DGKK: variants seen among roughly 807,000 people sequenced by gnomAD.
DGKK encodes the protein diacylglycerol kinase kappa, also known as 142 kDa diacylglycerol kinase.
Under a neutral mutation model 92.2 loss-of-function variants are expected in DGKK, and 35 were observed. The observed-to-expected ratio is 0.38, with a 90% CI of 0.29 to 0.50. The LOEUF (loss-of-function observed/expected upper bound fraction) is 0.50, where lower values mean the gene tolerates loss of function less well. DGKK is among the 20% of genes least tolerant of loss of function. DGKK has a pLI of 0.92. For missense variants in DGKK, 910 were observed against 992.2 expected (o/e 0.92, Z 1.11); for synonymous variants, 368 against 360.6 (o/e 1.02, Z -0.23).
intron 3 of DGKK, among the ~76,000 whole-genome samples, chrX:50,421,926 G>A (rs1925599331): frequency 9.0e-6 from 1 of 111,692 alleles, no homozygotes; most frequent in African/African-American, 3.3e-5. Flanking sequence ...TTCTGGTCTG[G>A]ATTCACTTGA....
chrX:50,416,984 G>T (rs782275446), intron 4 of DGKK, among the ~76,000 whole-genome samples: 29 of 109,099 alleles, frequency 2.7e-4, no homozygotes, highest in African/African-American at 9.7e-4. Context: ...TATTAATTTT[G>T]CCAGAATCAA....
At chrX:50,424,156 G>C (rs1925675670) in intron 2 of DGKK, 92 bp downstream of exon 2, 1 of 817,670 alleles carries the variant, frequency 1.2e-6, no homozygotes, top group Non-Finnish European at 1.7e-6. Flanking sequence ...CCTAATGTTT[G>C]CTGACATGTC....
chrX:50,393,484 C>T, intron 8 of DGKK, 149 bp from the exon 9 acceptor site: 1 of 467,459 alleles, frequency 2.1e-6, no homozygotes, highest in East Asian at 3.7e-5. Context: ...GTCAAGATAC[C>T]ACCCAGAGGG....
rs143274255 is a variant in DGKK, at chrX:50,379,913, C to T, written c.2754+68G>A. On this transcript the variant is annotated intron_variant, in intron 19 of 27. Coordinates refer to ENST00000611977, the MANE Select transcript of DGKK (RefSeq NM_001013742.4). Reference sequence around the variant, plus strand: ...AAAGCTCAGGAAGAATCAGCATGTACGGTATTCCCAAGGCCATGAGATTTC... The same window carrying T: ...AAAGCTCAGGAAGAATCAGCATGTATGGTATTCCCAAGGCCATGAGATTTC... 7,130 of 1,034,956 alleles carry T rather than the reference C, an allele frequency of 6.9e-3. 31 individuals are homozygous for T. The highest frequency in any genetic ancestry group is 0.022 in the Middle Eastern group (89 of 3,982). 85.3% of individuals were successfully genotyped at this position (1,034,956 alleles called of 1,213,427 possible).
At chrX:50,398,433 G>A (rs1474693509) in intron 8 of DGKK, among the ~76,000 whole-genome samples, 2 of 112,135 alleles carry the variant, frequency 1.8e-5, no homozygotes, top group African/African-American at 6.5e-5. Flanking sequence ...AGTAATGCAT[G>A]ATAGAAAGAA....
At chrX:50,394,603 A>C (rs1924793916) in intron 8 of DGKK, among the ~76,000 whole-genome samples, 1 of 112,266 alleles carries the variant, frequency 8.9e-6, no homozygotes, top group South Asian at 3.7e-4. Flanking sequence ...AATGGTAGTT[A>C]AGACACATTA....
chrX:50,391,356 G>A (rs917671321), intron 11 of DGKK, 81 bp downstream of exon 11: 114 of 1,121,832 alleles, frequency 1.0e-4, no homozygotes, highest in Non-Finnish European at 1.4e-4. Flanking sequence ...CAATCAGAGA[G>A]GTTAAAGTAT....
intron 10 of DGKK, among the ~76,000 whole-genome samples, 196 bp from the exon 11 acceptor site, chrX:50,391,772 T>A (rs1447920467): frequency 8.9e-5 from 10 of 112,050 alleles, no homozygotes; most frequent in African/African-American, 2.6e-4. Context: ...TGGACCCCAG[T>A]GTTAACAACA....
chrX:50,465,493 G>GAC (rs1557233878), intron 1 of DGKK, among the ~76,000 whole-genome samples: 3 of 108,805 alleles, frequency 2.8e-5, no homozygotes, highest in African/African-American at 1.0e-4. Context: ...CAGTGGGTGG[G>GAC]CTTTGGAAAG....
chrX:50,382,205 T>C (rs1352707273), intron 18 of DGKK, among the ~76,000 whole-genome samples: 1 of 112,206 alleles, frequency 8.9e-6, no homozygotes, highest in Non-Finnish European at 1.9e-5. Flanking sequence ...GGTGGGCGAT[T>C]TGCTAAATTG....
rs781941852 is a variant in DGKK at position 50,386,573 on chromosome X, T to C, written c.2132A>G (p.Tyr711Cys). The C allele has an allele frequency of 7.5e-6, 9 of 1,206,588 alleles. No homozygotes were observed. The Admixed American group carries it at 1.3e-4, about 18-fold the overall frequency. Residue 711 changes from tyrosine (Y) to cysteine (C), a missense_variant, in exon 15 of 28, where the codon TAT becomes TGT. Physicochemically the swap from Tyr to Cys is radical, Grantham distance 194. Transcript: ENST00000611977. ...ATCGATCAGGACACTGAGCCTATCA[T>C]ACATTAAGTCACTCTATATAGAAAG... is the stretch of plus-strand genomic sequence containing the variant. Reference protein sequence around the residue: ...VSVILKSDLMYDRLSVLIDVL... With the variant: ...VSVILKSDLMCDRLSVLIDVL...
chrX:50,410,939 G>A (rs181589084), intron 4 of DGKK, among the ~76,000 whole-genome samples: 349 of 111,336 alleles, frequency 3.1e-3, no homozygotes, highest in South Asian at 7.5e-3. Context: ...ACAAAAAATG[G>A]GGTGGGGCTC....
chrX:50,410,011 A>G (rs946066709), intron 4 of DGKK, among the ~76,000 whole-genome samples: 2 of 112,059 alleles, frequency 1.8e-5, no homozygotes, highest in Non-Finnish European at 3.8e-5. Context: ...CGGAAGTGTG[A>G]GAAATAATGT....
At chrX:50,401,767 G>T (rs1557226669) in intron 7 of DGKK, among the ~76,000 whole-genome samples, 2 of 110,512 alleles carry the variant, frequency 1.8e-5, no homozygotes, top group African/African-American at 6.6e-5. Flanking sequence ...AAAAACAGAG[G>T]ACAACCAGAG....
chrX:50,413,452 A>G (rs990948544), intron 4 of DGKK, among the ~76,000 whole-genome samples: 4 of 112,365 alleles, frequency 3.6e-5, no homozygotes, highest in African/African-American at 1.3e-4. Flanking sequence ...ATATTTGCAA[A>G]CCATACATCT....
intron 1 of DGKK, among the ~76,000 whole-genome samples, chrX:50,439,244 ATATAT>A (rs1286918302): frequency 8.9e-6 from 1 of 111,873 alleles, no homozygotes; most frequent in Non-Finnish European, 1.9e-5. Context: ...ATCCAAGCAC[ATATAT>A]TTATGCAAAA....
chrX:50,368,729 C>T lies in DGKK; in HGVS notation c.*211G>A. ...AGAGAAGGAGAACTGAACAAGACAA[C>T]TCGGAACAAGAACCTTTGGCCAATG... is the stretch of plus-strand genomic sequence containing the variant. On this transcript the variant is annotated 3_prime_UTR_variant, in exon 28 of 28. Transcript: ENST00000611977. 2.6e-6 allele frequency: 1 copy of T among 378,963 alleles called. No individual in the cohort carries two copies. Among genetic ancestry groups the T allele is most frequent in the Non-Finnish European group, 4.5e-6 (1 of 219,940 alleles). 31.2% of individuals were successfully genotyped at this position (378,963 alleles called of 1,213,427 possible).
chrX:50,404,204 A>C lies in DGKK; in HGVS notation c.943-20T>G. 8.4e-7 allele frequency: 1 copy of C among 1,192,186 alleles called. No individual in the cohort carries two copies. The highest frequency in any genetic ancestry group is 3.0e-5 in the East Asian group (1 of 33,195). On this transcript the variant is annotated intron_variant, in intron 4 of 27. Coordinates refer to ENST00000611977, the MANE Select transcript of DGKK (RefSeq NM_001013742.4). ...AGGTATCTAAAATAAATAAACGAGA[A>C]GAGAGAATGGAGGATGAATCACAGA... is the stretch of plus-strand genomic sequence containing the variant.
intron 25 of DGKK, among the ~76,000 whole-genome samples, chrX:50,372,049 GT>G (rs1224767101): frequency 3.6e-5 from 4 of 111,241 alleles, no homozygotes; most frequent in African/African-American, 1.3e-4. Flanking sequence ...CATGCTTACA[GT>G]TTTGCAAGCA....
Sources: allele counts gnomAD v4.1 joint callset (sites outside exome capture counted in the v4.1 genomes callset), GRCh38; gene constraint gnomAD v4.1.1; transcripts MANE v1.5; gene names NCBI Gene and HGNC (gene_info 2026-07-23, HGNC 2026-07-21).